The following DTD1 variants were observed in gnomAD, a reference collection of about 807,000 sequenced individuals.
DTD1 encodes D-aminoacyl-tRNA deacylase 1, also known as D-tyrosyl-tRNA deacylase 1 homolog.
DTD1 carries 13 observed loss-of-function variants against 25.6 expected under a neutral mutation model. That is an observed-to-expected ratio of 0.51 (90% CI 0.33 to 0.81). The LOEUF (loss-of-function observed/expected upper bound fraction) is 0.81. Ranked by LOEUF, DTD1 falls within the 30% of genes least tolerant of loss-of-function variation. The probability of loss-of-function intolerance (pLI) is 0.02; values close to 1 mark genes in which losing one functional copy is unlikely to be tolerated. For synonymous variants in DTD1, 110 were observed against 103.6 expected, an observed-to-expected ratio of 1.06 and a Z score of -0.37; for missense variants, 193 against 266.4, an observed-to-expected ratio of 0.72 and a Z score of 1.92.
intron 4 of DTD1, among the ~76,000 whole-genome samples, chr20:18,708,207 T>TAAATATTACATATATATTATATATA (rs1371286340): frequency 7.3e-4 from 5 of 6,864 alleles, no homozygotes; most frequent in Admixed American, 2.5e-3. Flanking sequence ...ATATATATAT[T>TAAATATTACATATATATTATATATA]TTATATATAT....
At chr20:18,675,044 G>A (rs1318882483) in intron 4 of DTD1, 1 of 152,266 alleles carries the variant, frequency 6.6e-6, no homozygotes, top group Non-Finnish European at 1.5e-5. Context: ...GGTGTCTCAT[G>A]AGATTCCAGC....
intron 4 of DTD1, among the ~76,000 whole-genome samples, chr20:18,694,899 C>T (rs2061064359): frequency 6.6e-6 from 1 of 152,096 alleles, no homozygotes; most frequent in Admixed American, 6.6e-5. Context: ...GCAGTACCCC[C>T]AAGAGTGGTT....
intron 4 of DTD1, among the ~76,000 whole-genome samples, chr20:18,677,682 C>A (rs569968387): frequency 5.2e-4 from 79 of 152,232 alleles, no homozygotes; most frequent in Non-Finnish European, 9.1e-4. Flanking sequence ...CCCCCCACAC[C>A]TGAAAGGAGA....
rs533304562 is a variant in DTD1, at chr20:18,643,519, G to A, written c.477+15286G>A. The A allele has an allele frequency of 1.4e-4, 23 of 159,486 alleles. 1 individual carries two copies. In the South Asian group the frequency reaches 3.9e-3, roughly 27 times the overall value. 9.9% of individuals were successfully genotyped at this position (159,486 alleles called of 1,614,324 possible). On this transcript the variant is annotated intron_variant, in intron 4 of 5. Coordinates refer to ENST00000377452, the MANE Select transcript of DTD1 (RefSeq NM_080820.6). ...ATAGCATAATCTGAGTAAAGTTTTT[G>A]ATTGAAGCTATTGATGAGAATTTTC... is the stretch of plus-strand genomic sequence containing the variant.
intron 5 of DTD1, among the ~76,000 whole-genome samples, chr20:18,754,713 A>G (rs1884789): frequency 0.59 from 89,657 of 152,144 alleles, 26,933 homozygotes; most frequent in Non-Finnish European, 0.63. Flanking sequence ...CTCCCAGTTG[A>G]TGGCCAGTAA....
rs1479971007 is a variant in DTD1 at position 18,708,246 on chromosome 20, T to TAG, written c.478-35853_478-35852insGA. Among the ~76,000 whole-genome samples the TAG allele has an allele frequency of 2.7e-3, 69 of 25,116 alleles. 6 individuals carry two copies. The highest frequency in any genetic ancestry group is 0.01 in the South Asian group (9 of 874). The allele number at this position is 25,116 out of a possible 152,430, so 16.5% of individuals were successfully genotyped here. A position where few individuals can be genotyped will look rare whatever the true frequency, so the allele number is the denominator to read the frequency against. The stretch of plus-strand genomic sequence containing the variant: ...ATATATATATTTTATATATATATAA[T>TAG]ATATATTATATATATATTTTATATA... On this transcript the variant is annotated intron_variant, in intron 4 of 5. Coordinates refer to ENST00000377452, the MANE Select transcript of DTD1 (RefSeq NM_080820.6).
chr20:18,732,590 C>T (rs957417771), intron 4 of DTD1, among the ~76,000 whole-genome samples: 16 of 152,258 alleles, frequency 1.1e-4, no homozygotes, highest in African/African-American at 3.6e-4. Context: ...AAAGGAAAAA[C>T]CCAGGATATA....
chr20:18,593,636 A>C (rs1600304056), intron 1 of DTD1, 95 bp from the exon 2 acceptor site: 1 of 813,140 alleles, frequency 1.2e-6, no homozygotes, highest in Admixed American at 2.0e-5. Flanking sequence ...TATAAGAAGT[A>C]TGTATGATGT....
At chr20:18,618,486 C>A (rs2060718537) in intron 3 of DTD1, among the ~76,000 whole-genome samples, 1 of 151,350 alleles carries the variant, frequency 6.6e-6, no homozygotes, top group African/African-American at 2.4e-5. Context: ...TCCTGAGTAG[C>A]TGGGGCCACA....
At chr20:18,702,054 GT>G (rs1015410669) in intron 4 of DTD1, among the ~76,000 whole-genome samples, 45 of 152,280 alleles carry the variant, frequency 3.0e-4, no homozygotes, top group African/African-American at 8.9e-4. Flanking sequence ...ATTTTAATCT[GT>G]TGCATAATAA....
At chr20:18,730,344 A>C (rs184987528) in intron 4 of DTD1, among the ~76,000 whole-genome samples, 1 of 152,216 alleles carries the variant, frequency 6.6e-6, no homozygotes, top group Non-Finnish European at 1.5e-5. Context: ...GTGCTGGGTC[A>C]TAACAAGCAT....
intron 2 of DTD1, 101 bp downstream of exon 2, chr20:18,593,922 A>T: frequency 1.2e-6 from 1 of 848,894 alleles, no homozygotes; most frequent in Non-Finnish European, 2.0e-6. Flanking sequence ...AGCCCCTGTC[A>T]CTTTTAACCA....
intron 4 of DTD1, among the ~76,000 whole-genome samples, chr20:18,639,573 G>A (rs1348574152): frequency 6.6e-6 from 1 of 152,116 alleles, no homozygotes; most frequent in Non-Finnish European, 1.5e-5. Flanking sequence ...CGTGCCTCTT[G>A]CTGCTAGCTG....
intron 4 of DTD1, among the ~76,000 whole-genome samples, chr20:18,740,703 C>T (rs532282975): frequency 2.6e-5 from 4 of 152,284 alleles, no homozygotes; most frequent in African/African-American, 9.6e-5. Flanking sequence ...ATAAAACTTA[C>T]CATCTTAACC....
chr20:18,643,333 C>T (rs561317251), intron 4 of DTD1: 79 of 264,332 alleles, frequency 3.0e-4, no homozygotes, highest in African/African-American at 1.7e-3. Context: ...ACGACACCGT[C>T]TGGCTTCTCT....
At position 18,763,495 on chromosome 20, in the gene DTD1, A is replaced by C. The variant is rs1203067811; in HGVS notation, c.*155A>C. The C allele has an allele frequency of 6.5e-6, 1 of 152,694 alleles. No individual in the cohort carries two copies. Among genetic ancestry groups the C allele is most frequent in the Admixed American group, 6.5e-5 (1 of 15,286 alleles). The allele number at this position is 152,694 out of a possible 1,614,324, so 9.5% of individuals were successfully genotyped here. A position where few individuals can be genotyped will look rare whatever the true frequency, so the allele number is the denominator to read the frequency against. ...TGGGAACCTGAATAGCTCTGCAAAAAACACCAAAGGACCGTTTTATCGTTT... is the reference window on the plus strand; with the variant it reads ...TGGGAACCTGAATAGCTCTGCAAAACACACCAAAGGACCGTTTTATCGTTT... On this transcript the variant is annotated 3_prime_UTR_variant, in exon 6 of 6. Coordinates refer to ENST00000377452, the MANE Select transcript of DTD1 (RefSeq NM_080820.6).
At chr20:18,754,923 T>C (rs1280053330) in intron 5 of DTD1, among the ~76,000 whole-genome samples, 23 of 152,242 alleles carry the variant, frequency 1.5e-4, no homozygotes, top group Admixed American at 1.5e-3. Flanking sequence ...AACATTGATC[T>C]TATGATTAGG....
intron 4 of DTD1, among the ~76,000 whole-genome samples, chr20:18,721,432 A>AT (rs1473444200): frequency 6.6e-6 from 1 of 152,050 alleles, no homozygotes; most frequent in Non-Finnish European, 1.5e-5. Context: ...GTATATCATC[A>AT]TTTTGCCAGA....
At chr20:18,668,958 G>A (rs1412608304) in intron 4 of DTD1, among the ~76,000 whole-genome samples, 1 of 152,152 alleles carries the variant, frequency 6.6e-6, no homozygotes, top group African/African-American at 2.4e-5. Flanking sequence ...GAGCATCTTT[G>A]AGGTGCAAGT....
Sources: allele counts gnomAD v4.1 joint callset (sites outside exome capture counted in the v4.1 genomes callset), GRCh38; gene constraint gnomAD v4.1.1; transcripts MANE v1.5; gene names NCBI Gene and HGNC (gene_info 2026-07-23, HGNC 2026-07-21).